The following IMMP2L variants were observed in gnomAD, a reference collection of about 807,000 sequenced individuals.
IMMP2L encodes the protein mitochondrial inner membrane protease subunit 2.
A neutral mutation model predicts 19.3 loss-of-function variants in IMMP2L; 18 were observed. The observed-to-expected ratio is 0.93, with a 90% CI of 0.64 to 1.38. The LOEUF (loss-of-function observed/expected upper bound fraction) is 1.38, where lower values mean the gene tolerates loss of function less well. Ranked by LOEUF, IMMP2L falls within the 40% of genes most tolerant of loss-of-function variation. The pLI, the probability that IMMP2L is intolerant of heterozygous loss-of-function variation, is 0.00. For missense variants in IMMP2L, 233 were observed against 218.2 expected, an observed-to-expected ratio of 1.07 and a Z score of -0.43; for synonymous variants, 76 against 73.0, an observed-to-expected ratio of 1.04 and a Z score of -0.21.
At chr7:110,679,478 T>A (rs6956635) in intron 5 of IMMP2L, among the ~76,000 whole-genome samples, 147,416 of 152,116 alleles carry the variant, frequency 0.97, 71,586 homozygotes, top group Middle Eastern at 1. Context: ...AGTTCATATA[T>A]ATACATGAGT....
chr7:111,002,710 T>G (rs1823841481), intron 3 of IMMP2L, among the ~76,000 whole-genome samples: 1 of 152,216 alleles, frequency 6.6e-6, no homozygotes, highest in Non-Finnish European at 1.5e-5. Context: ...GATCACAGGT[T>G]CTCCACACAT....
intron 3 of IMMP2L, among the ~76,000 whole-genome samples, chr7:111,405,936 A>T (rs1441214059): frequency 6.6e-6 from 1 of 152,144 alleles, no homozygotes; most frequent in East Asian, 1.9e-4. Context: ...TGCAACAAGG[A>T]CTAGATAGTG....
At chr7:111,255,435 C>G (rs947934770) in intron 3 of IMMP2L, among the ~76,000 whole-genome samples, 2 of 151,946 alleles carry the variant, frequency 1.3e-5, no homozygotes, top group Non-Finnish European at 2.9e-5. Context: ...ACATGCTCCA[C>G]TTAAAATGAT....
At chr7:111,111,354 T>C (rs1370048939) in intron 3 of IMMP2L, among the ~76,000 whole-genome samples, 2 of 148,188 alleles carry the variant, frequency 1.3e-5, no homozygotes, top group Non-Finnish European at 3.0e-5. Flanking sequence ...CATTGCCCAT[T>C]AACAAAAATT....
chr7:110,699,755 C>G (rs1794131949), intron 5 of IMMP2L, among the ~76,000 whole-genome samples: 1 of 104,668 alleles, frequency 9.6e-6, no homozygotes, highest in African/African-American at 3.8e-5. Flanking sequence ...GTGACTGAGA[C>G]TCTACCTCAA....
intron 3 of IMMP2L, among the ~76,000 whole-genome samples, chr7:111,358,449 C>T (rs1485648235): frequency 1.3e-5 from 2 of 151,776 alleles, no homozygotes; most frequent in Admixed American, 6.6e-5. Context: ...AAAAAAATCA[C>T]ATTATCTTGT....
chr7:111,214,429 G>A (rs1407246949), intron 3 of IMMP2L, among the ~76,000 whole-genome samples: 2 of 120,510 alleles, frequency 1.7e-5, no homozygotes, highest in African/African-American at 3.2e-5. Context: ...TACAACCTCC[G>A]CCTCCTGGGT....
intron 3 of IMMP2L, among the ~76,000 whole-genome samples, chr7:111,078,514 T>C (rs1271848206): frequency 6.6e-6 from 1 of 152,136 alleles, no homozygotes; most frequent in East Asian, 1.9e-4. Context: ...AGTATTAATA[T>C]GGGCACTAAA....
rs1266257498 is a variant in IMMP2L, at chr7:111,281,210, GA to G, written c.239+206027del. The stretch of plus-strand genomic sequence containing the variant: ...AGAAAGAAAGAAAGAAAGAAAGAAA[GA>G]AAGAAAAAGAAAGAAAGAAAGAAAG... On this transcript the variant is annotated intron_variant, in intron 3 of 5. Coordinates refer to ENST00000405709, the MANE Select transcript of IMMP2L (RefSeq NM_032549.4). 3.4e-3 allele frequency among the ~76,000 whole-genome samples: 154 copies of G among 45,112 alleles called. 6 individuals carry two copies. The highest frequency in any genetic ancestry group is 9.2e-3 in the South Asian group (9 of 980). 29.6% of individuals were successfully genotyped at this position (45,112 alleles called of 152,430 possible).
chr7:110,682,352 C>G lies in IMMP2L; in HGVS notation c.409-18631G>C, dbSNP rs765515481. 5.1e-4 allele frequency among the ~76,000 whole-genome samples: 77 copies of G among 152,134 alleles called. 1 individual carries two copies. The highest frequency in any genetic ancestry group is 9.7e-4 in the Non-Finnish European group (66 of 68,018). Reference sequence around the variant, plus strand: ...ATAATTCTAACTAATAATTATCATACTGGGCAGTGATGGTCTATTTAGTTC... The same window carrying G: ...ATAATTCTAACTAATAATTATCATAGTGGGCAGTGATGGTCTATTTAGTTC... On this transcript the variant is annotated intron_variant, in intron 5 of 5. Coordinates refer to ENST00000405709, the MANE Select transcript of IMMP2L (RefSeq NM_032549.4).
At chr7:111,355,968 A>G (rs568634323) in intron 3 of IMMP2L, among the ~76,000 whole-genome samples, 31 of 152,192 alleles carry the variant, frequency 2.0e-4, no homozygotes, top group South Asian at 1.2e-3. Context: ...TGATTATCTG[A>G]AAAACAAACT....
intron 3 of IMMP2L, among the ~76,000 whole-genome samples, chr7:111,479,687 T>C (rs553175355): frequency 1.2e-4 from 19 of 152,176 alleles, no homozygotes; most frequent in African/African-American, 4.6e-4. Context: ...CCTTTGCAAA[T>C]GCCGTCTTGT....
intron 3 of IMMP2L, among the ~76,000 whole-genome samples, chr7:111,472,411 T>C (rs1012736556): frequency 6.6e-6 from 1 of 152,166 alleles, no homozygotes; most frequent in East Asian, 1.9e-4. Flanking sequence ...TTAAAAGTTA[T>C]ATTCAAAATA....
intron 3 of IMMP2L, among the ~76,000 whole-genome samples, chr7:111,020,086 T>TA (rs57238777): frequency 0.16 from 22,210 of 140,036 alleles, 1,842 homozygotes; most frequent in South Asian, 0.28. Context: ...ATACAACAAT[T>TA]AAAAAAAAAA....
intron 3 of IMMP2L, among the ~76,000 whole-genome samples, chr7:111,317,586 A>T (rs1404734886): frequency 6.6e-6 from 1 of 152,142 alleles, no homozygotes; most frequent in African/African-American, 2.4e-5. Context: ...ATTAAAGGCA[A>T]ATTTTCTTAG....
At chr7:111,228,963 ATGCG>A (rs1382763222) in intron 3 of IMMP2L, among the ~76,000 whole-genome samples, 4 of 120,802 alleles carry the variant, frequency 3.3e-5, no homozygotes, top group South Asian at 2.7e-4. Flanking sequence ...AACACTAGCA[ATGCG>A]TGTGTGTGTG....
At chr7:111,118,149 A>G (rs1008868428) in intron 3 of IMMP2L, among the ~76,000 whole-genome samples, 4 of 152,098 alleles carry the variant, frequency 2.6e-5, no homozygotes, top group African/African-American at 9.6e-5. Context: ...TCTACTGTGC[A>G]TCATTGTCCT....
intron 3 of IMMP2L, chr7:111,392,113 G>A (rs913870956): frequency 3.3e-5 from 21 of 631,442 alleles, no homozygotes; most frequent in East Asian, 5.5e-5. Flanking sequence ...GGCTATTAGC[G>A]ACCCAAGGAG....
At chr7:111,343,256 T>A (rs1377836319) in intron 3 of IMMP2L, among the ~76,000 whole-genome samples, 1 of 152,080 alleles carries the variant, frequency 6.6e-6, no homozygotes, top group African/African-American at 2.4e-5. Context: ...CAACATTATA[T>A]CTAAGTTCTT....
Sources: gnomAD v4.1 joint callset for allele counts (sites outside exome capture counted in the v4.1 genomes callset) on GRCh38, gnomAD v4.1.1 for gene constraint, MANE v1.5 for transcripts, NCBI Gene and HGNC (gene_info 2026-07-23, HGNC 2026-07-21) for gene names.